The following WWOX variants were observed in gnomAD, a reference collection of about 807,000 sequenced individuals.
WWOX encodes the protein WW domain-containing oxidoreductase.
WWOX carries 69 observed loss-of-function variants against 46.2 expected under a neutral mutation model. The ratio of observed to expected loss-of-function variants is 1.49; its 90% CI spans 1.23 to 1.82. The LOEUF is 1.82. Among genes scored for constraint, WWOX ranks in the 40% most tolerant of loss-of-function variants. The probability of loss-of-function intolerance (pLI) is 0.00; values close to 1 mark genes in which losing one functional copy is unlikely to be tolerated. For synonymous variants in WWOX, 359 were observed against 202.6 expected (o/e 1.77, Z -6.56); for missense variants, 919 against 542.6 (o/e 1.69, Z -6.89).
chr16:78,215,172 GT>G, intron 5 of WWOX, among the ~76,000 whole-genome samples: 1 of 152,262 alleles, frequency 6.6e-6, no homozygotes. Flanking sequence ...AGTCCCATGG[GT>G]CATTTTCTTC....
At chr16:79,137,704 C>A (rs1481016230) in intron 8 of WWOX, among the ~76,000 whole-genome samples, 1 of 152,084 alleles carries the variant, frequency 6.6e-6, no homozygotes, top group Non-Finnish European at 1.5e-5. Context: ...CTTCCCCCGA[C>A]CCTCCTCCAT....
At chr16:78,503,106 T>C (rs2085110700) in intron 8 of WWOX, among the ~76,000 whole-genome samples, 1 of 152,210 alleles carries the variant, frequency 6.6e-6, no homozygotes, top group Non-Finnish European at 1.5e-5. Flanking sequence ...TTGAGATTTA[T>C]GAGGCCTAAC....
intron 8 of WWOX, among the ~76,000 whole-genome samples, chr16:78,641,235 G>C (rs1330210012): frequency 6.6e-6 from 1 of 151,832 alleles, no homozygotes; most frequent in Non-Finnish European, 1.5e-5. Context: ...TCCCCCAGGA[G>C]ATTTTTTTTT....
chr16:79,187,857 T>C (rs564280196), intron 8 of WWOX, among the ~76,000 whole-genome samples: 1 of 152,352 alleles, frequency 6.6e-6, no homozygotes, highest in Admixed American at 6.5e-5. Context: ...TCACTTGTAT[T>C]TTTTGAGAAG....
intron 8 of WWOX, among the ~76,000 whole-genome samples, chr16:78,448,586 T>C (rs1432442082): frequency 3.3e-5 from 5 of 152,276 alleles, no homozygotes; most frequent in Admixed American, 1.3e-4. Context: ...GTACAGGCTT[T>C]ATTCAATGGC....
At chr16:78,175,026 T>TAATAATAAG (rs953445368) in intron 5 of WWOX, among the ~76,000 whole-genome samples, 3 of 146,340 alleles carry the variant, frequency 2.1e-5, no homozygotes, top group Non-Finnish European at 3.1e-5. Context: ...ATAATAATAA[T>TAATAATAAG]AATAAGAATC....
At position 78,795,846 on chromosome 16, in the gene WWOX, T is replaced by C. The variant is rs1036404803; in HGVS notation, c.1056+363094T>C. On this transcript the variant is annotated intron_variant, in intron 8 of 8. Transcript: ENST00000566780. The stretch of plus-strand genomic sequence containing the variant: ...ATCTAGTAGAGTGGCTAGCGTATAG[T>C]GAGTACCCAATAAATGCAATAGATG... Among the ~76,000 whole-genome samples the C allele has an allele frequency of 6.6e-5, 10 of 152,104 alleles. 1 individual carries two copies. The highest frequency in any genetic ancestry group is 2.4e-4 in the African/African-American group (10 of 41,410).
At chr16:78,870,841 GTCTGCCCA>G (rs1567616233) in intron 8 of WWOX, among the ~76,000 whole-genome samples, 1 of 152,140 alleles carries the variant, frequency 6.6e-6, no homozygotes, top group East Asian at 1.9e-4. Context: ...AGCTTAGGCA[GTCTGCCCA>G]CCTCAGCTTC....
At chr16:78,755,254 G>GAAAAA (rs2049613717) in intron 8 of WWOX, among the ~76,000 whole-genome samples, 2 of 148,792 alleles carry the variant, frequency 1.3e-5, no homozygotes, top group South Asian at 4.3e-4. Flanking sequence ...AAAAGAAAAA[G>GAAAAA]AAAACACCGG....
intron 8 of WWOX, among the ~76,000 whole-genome samples, chr16:78,936,152 C>A (rs574812456): frequency 6.6e-6 from 1 of 151,994 alleles, no homozygotes; most frequent in African/African-American, 2.4e-5. Flanking sequence ...GAATGGTGGT[C>A]CATGGACAGA....
intron 8 of WWOX, chr16:78,551,664 C>T (rs1326030348): frequency 2.0e-5 from 3 of 151,842 alleles, no homozygotes; most frequent in Non-Finnish European, 2.9e-5. Flanking sequence ...CACCTGCCCC[C>T]GCCCCGTTTC....
At chr16:79,157,715 C>A (rs1443173074) in intron 8 of WWOX, among the ~76,000 whole-genome samples, 3 of 152,178 alleles carry the variant, frequency 2.0e-5, no homozygotes, top group Non-Finnish European at 4.4e-5. Context: ...GATCTGTGTC[C>A]TTTACAGTTT....
intron 8 of WWOX, among the ~76,000 whole-genome samples, chr16:78,955,325 G>T (rs149419796): frequency 2.0e-5 from 3 of 152,302 alleles, no homozygotes; most frequent in African/African-American, 7.2e-5. Context: ...AACAACGTCA[G>T]TGAAATCCGT....
At chr16:78,828,285 G>A (rs1294804569) in intron 8 of WWOX, among the ~76,000 whole-genome samples, 2 of 152,128 alleles carry the variant, frequency 1.3e-5, no homozygotes, top group African/African-American at 4.8e-5. Context: ...AAGAGCCTTC[G>A]ATGGACCTGG....
chr16:78,866,940 C>T (rs1179801138), intron 8 of WWOX, among the ~76,000 whole-genome samples: 1 of 152,172 alleles, frequency 6.6e-6, no homozygotes, highest in African/African-American at 2.4e-5. Context: ...AAATATGAAC[C>T]CTTGCCACCA....
chr16:78,491,541 C>T (rs1228109545), intron 8 of WWOX, among the ~76,000 whole-genome samples: 1 of 152,136 alleles, frequency 6.6e-6, no homozygotes, highest in Non-Finnish European at 1.5e-5. Context: ...CTGTGCACTG[C>T]AGCCTCCGCC....
intron 5 of WWOX, among the ~76,000 whole-genome samples, chr16:78,207,648 A>G (rs776812182): frequency 1.4e-3 from 208 of 151,812 alleles, no homozygotes; most frequent in African/African-American, 4.9e-3. Flanking sequence ...TAGATGTAGC[A>G]TCTGCTATAT....
chr16:78,816,340 C>T (rs1399775401), intron 8 of WWOX, among the ~76,000 whole-genome samples: 1 of 152,006 alleles, frequency 6.6e-6, no homozygotes, highest in African/African-American at 2.4e-5. Flanking sequence ...TCGAGGACTC[C>T]AGATGTAACC....
intron 4 of WWOX, among the ~76,000 whole-genome samples, chr16:78,134,591 T>G (rs1471814642): frequency 6.6e-6 from 1 of 152,180 alleles, no homozygotes; most frequent in African/African-American, 2.4e-5. Context: ...ATATCTGCCA[T>G]TATAGTATTT....
Sources: allele counts gnomAD v4.1 joint callset (sites outside exome capture counted in the v4.1 genomes callset), GRCh38; gene constraint gnomAD v4.1.1; transcripts MANE v1.5; gene names NCBI Gene and HGNC (gene_info 2026-07-23, HGNC 2026-07-21).